CFAP90: variants seen among roughly 807,000 people sequenced by gnomAD.
CFAP90 encodes the protein cilia- and flagella-associated protein 90.
At chr5:7,849,755 C>T in the CFAP90 span, among the ~76,000 whole-genome samples, 2,215 of 152,312 alleles carry the variant, frequency 0.015, 23 homozygotes, top group Non-Finnish European at 0.024. Context: ...AGGGACCACT[C>T]TCAGTCCAGC....
At chr5:7,847,893 G>A in the CFAP90 span, among the ~76,000 whole-genome samples, 6 of 152,262 alleles carry the variant, frequency 3.9e-5, no homozygotes, top group Admixed American at 2.0e-4. Flanking sequence ...TTTTCCTGGT[G>A]CCCCCATCTT....
the CFAP90 span, among the ~76,000 whole-genome samples, chr5:7,850,206 G>A: frequency 3.3e-5 from 5 of 152,056 alleles, no homozygotes; most frequent in Non-Finnish European, 7.4e-5. Context: ...TACTCTTTGG[G>A]GCCCAGGCGC....
At chr5:7,838,849 C>T in the CFAP90 span, among the ~76,000 whole-genome samples, 1 of 152,194 alleles carries the variant, frequency 6.6e-6, no homozygotes, top group East Asian at 1.9e-4. Flanking sequence ...ACCCTGAGAA[C>T]CTTGTGGCAA....
At chr5:7,843,721 C>T in the CFAP90 span, among the ~76,000 whole-genome samples, 1 of 152,150 alleles carries the variant, frequency 6.6e-6, no homozygotes, top group African/African-American at 2.4e-5. Context: ...CGAATTCAAT[C>T]TTATATGTTC....
the CFAP90 span, among the ~76,000 whole-genome samples, chr5:7,840,511 G>T: frequency 1.3e-5 from 2 of 152,176 alleles, 1 homozygote; most frequent in Admixed American, 1.3e-4. Flanking sequence ...AATAAGAGAG[G>T]TGTGCACAAA....
the CFAP90 span, chr5:7,835,273 A>G: frequency 1.5e-6 from 1 of 647,100 alleles, no homozygotes; most frequent in South Asian, 2.4e-5. Context: ...TTTGTAAAAA[A>G]TACAGTATCT....
the CFAP90 span, among the ~76,000 whole-genome samples, chr5:7,843,502 T>C: frequency 6.6e-6 from 1 of 152,204 alleles, no homozygotes; most frequent in African/African-American, 2.4e-5. Context: ...CTCCCTCTGA[T>C]CTTGTGTCTG....
At chr5:7,851,127 C>A in the CFAP90 span, 14 of 1,205,118 alleles carry the variant, frequency 1.2e-5, no homozygotes, top group African/African-American at 1.3e-4. Context: ...GCGTCTAGCC[C>A]GCGTCTGTGT....
chr5:7,836,562 G>A, the CFAP90 span, among the ~76,000 whole-genome samples: 18 of 152,312 alleles, frequency 1.2e-4, no homozygotes, highest in Middle Eastern at 3.4e-3. Flanking sequence ...GGAAGATGGG[G>A]AAATGCGGAT....
the CFAP90 span, among the ~76,000 whole-genome samples, chr5:7,847,060 T>A: frequency 2.0e-5 from 3 of 152,226 alleles, no homozygotes; most frequent in African/African-American, 7.2e-5. Context: ...CTGAGTTCTC[T>A]AGAAAACCTG....
the CFAP90 span, among the ~76,000 whole-genome samples, chr5:7,847,562 T>C: frequency 7.2e-5 from 11 of 152,096 alleles, no homozygotes; most frequent in Non-Finnish European, 1.3e-4. Context: ...TGCAAACACA[T>C]AGGTGTGAGA....
chr5:7,836,676 T>C, the CFAP90 span, among the ~76,000 whole-genome samples: 5 of 152,190 alleles, frequency 3.3e-5, no homozygotes, highest in Non-Finnish European at 5.9e-5. Flanking sequence ...CAGATGATGG[T>C]CTATGACAAA....
chr5:7,843,589 T>C, the CFAP90 span, among the ~76,000 whole-genome samples: 430 of 152,268 alleles, frequency 2.8e-3, 2 homozygotes, highest in Non-Finnish European at 4.6e-3. Context: ...AGTTGGAAAC[T>C]TGGTGATTGT....
the CFAP90 span, among the ~76,000 whole-genome samples, chr5:7,848,031 C>T: frequency 6.6e-6 from 1 of 152,156 alleles, no homozygotes; most frequent in African/African-American, 2.4e-5. Context: ...TTATTTTTTC[C>T]ACTGTTTATC....
the CFAP90 span, chr5:7,850,818 GCCC>G: frequency 1.0e-6 from 1 of 975,450 alleles, no homozygotes; most frequent in Non-Finnish European, 1.3e-6. Flanking sequence ...CCGCCCAGCC[GCCC>G]AGCCGCCCAG....
chr5:7,847,471 G>C, the CFAP90 span, among the ~76,000 whole-genome samples: 1 of 67,118 alleles, frequency 1.5e-5, no homozygotes, highest in South Asian at 3.8e-4. Context: ...TCTGTAAAGG[G>C]CCAGGTAGTA....
chr5:7,835,851 A>G, the CFAP90 span, among the ~76,000 whole-genome samples: 1 of 152,210 alleles, frequency 6.6e-6, no homozygotes, highest in East Asian at 1.9e-4. Context: ...GTCCTAGTCC[A>G]TTCAGGCTGC....
the CFAP90 span, among the ~76,000 whole-genome samples, chr5:7,840,526 A>G: frequency 2.0e-5 from 3 of 152,240 alleles, no homozygotes; most frequent in African/African-American, 7.2e-5. Flanking sequence ...CACAAAGTAC[A>G]GTAGCAGAAA....
chr5:7,834,933 G>A, the CFAP90 span, among the ~76,000 whole-genome samples: 1 of 152,104 alleles, frequency 6.6e-6, no homozygotes, highest in Admixed American at 6.6e-5. Context: ...AGGCATGACT[G>A]TACATACACC....
Sources: gnomAD v4.1 joint callset for allele counts (sites outside exome capture counted in the v4.1 genomes callset) on GRCh38, gnomAD v4.1.1 for gene constraint, MANE v1.5 for transcripts, NCBI Gene and HGNC (gene_info 2026-07-23, HGNC 2026-07-21) for gene names.